The following FRY variants were observed in gnomAD, a reference collection of about 807,000 sequenced individuals.
FRY encodes the protein protein furry homolog.
Under a neutral mutation model 348.4 loss-of-function variants are expected in FRY, and 128 were observed. The ratio of observed to expected loss-of-function variants is 0.37; its 90% confidence interval spans 0.32 to 0.43. FRY has a LOEUF of 0.43. Ranked by LOEUF, FRY falls within the 20% of genes least tolerant of loss-of-function variation. FRY has a pLI of 1.00. For missense variants in FRY, 2,736 were observed against 3,695.2 expected (o/e 0.74, Z 6.73); for synonymous variants, 1,370 against 1,374.7 (o/e 1.00, Z 0.08).
chr13:32,208,779 G>A, intron 31 of FRY, 74 bp from the exon 32 acceptor site: 2 of 1,554,276 alleles, frequency 1.3e-6, no homozygotes, highest in South Asian at 2.2e-5. Context: ...CAGTCTGCAA[G>A]TTGGCATTTG....
chr13:32,155,959 G>A (rs758498664), intron 15 of FRY, among the ~76,000 whole-genome samples: 5 of 152,098 alleles, frequency 3.3e-5, no homozygotes, highest in Admixed American at 6.5e-5. Context: ...ACATCTGTGT[G>A]CTTTGCTAAA....
At chr13:32,146,375 C>T (rs1024348452) in intron 11 of FRY, among the ~76,000 whole-genome samples, 3 of 152,100 alleles carry the variant, frequency 2.0e-5, no homozygotes, top group Non-Finnish European at 4.4e-5. Context: ...CTCGCTCTGT[C>T]GCCCAGGCTG....
intron 47 of FRY, among the ~76,000 whole-genome samples, chr13:32,244,516 G>T (rs1886677230): frequency 6.6e-6 from 1 of 152,222 alleles, no homozygotes; most frequent in African/African-American, 2.4e-5. Context: ...AAGGAGAGGG[G>T]ACAAGGAACT....
At chr13:32,202,640 T>C in intron 31 of FRY, 113 bp downstream of exon 31, 1 of 990,492 alleles carries the variant, frequency 1.0e-6, no homozygotes, top group East Asian at 2.5e-5. Flanking sequence ...TTTTTCTTTT[T>C]AAATTCTAGT....
In FRY at chr13:32,275,068, C is replaced by A. The variant is rs76310894; in HGVS notation, c.8286+77C>A. ...GCAGAACTTCAGGGTAGCATGTTTG[C>A]GCTGTGGTTTGTTTTAAAGATACCT... is the stretch of plus-strand genomic sequence containing the variant. On this transcript the variant is annotated intron_variant, in intron 56 of 60. Transcript: ENST00000542859. 4.5e-6 allele frequency: 6 copies of A among 1,336,340 alleles called. No individual in the cohort carries two copies. In the South Asian group the frequency reaches 5.9e-5, roughly 13 times the overall value. 82.8% of individuals were successfully genotyped at this position (1,336,340 alleles called of 1,614,324 possible).
intron 55 of FRY, among the ~76,000 whole-genome samples, chr13:32,274,505 C>T (rs569445944): frequency 9.8e-4 from 149 of 151,554 alleles, no homozygotes; most frequent in African/African-American, 2.8e-3. Flanking sequence ...CAGATCGAGA[C>T]CATCCTGGCT....
rs763437379 is a variant in FRY at position 32,184,675 on chromosome 13, G to T, written c.3130G>T (p.Gly1044Cys). 1 of 1,600,018 alleles carries T rather than the reference G, an allele frequency of 6.2e-7. No homozygotes were observed. The highest frequency in any genetic ancestry group is 1.1e-5 in the South Asian group (1 of 90,766). ...AATTTTTGAACTTTTGGCTGATGCT[G>T]GTGTAATAAGTGACAGGTAGGATCA... is the stretch of plus-strand genomic sequence containing the variant. ...LRIFELLADA[G>C]VISDSTNGAL... The change falls in exon 25 of 61, where the codon GGT (glycine) becomes TGT (cysteine). Residue 1044 changes from glycine (G) to cysteine (C), a missense_variant. Gly to Cys is a radical substitution (Grantham distance 159). Transcript: ENST00000542859.
At chr13:32,145,399 C>T (rs1880339809) in intron 11 of FRY, among the ~76,000 whole-genome samples, 1 of 151,854 alleles carries the variant, frequency 6.6e-6, no homozygotes. Context: ...ATGTCAAATT[C>T]AAGAGAAATT....
intron 53 of FRY, among the ~76,000 whole-genome samples, chr13:32,264,942 G>C (rs9526028): frequency 0.29 from 44,483 of 152,114 alleles, 7,260 homozygotes; most frequent in Middle Eastern, 0.44. Flanking sequence ...CATTCCCTTG[G>C]TAAAGGGGTT....
intron 11 of FRY, among the ~76,000 whole-genome samples, chr13:32,144,716 G>A (rs2138815768): frequency 6.6e-6 from 1 of 152,310 alleles, no homozygotes; most frequent in South Asian, 2.1e-4. Context: ...TTAAGACACT[G>A]AAAGACTGGT....
At chr13:32,183,512 G>T (rs190668034) in intron 24 of FRY, among the ~76,000 whole-genome samples, 299 of 152,290 alleles carry the variant, frequency 2.0e-3, no homozygotes, top group African/African-American at 6.7e-3. Context: ...GCGCGATGGC[G>T]CACGCCTGTA....
At chr13:32,148,003 C>T (rs1880561081) in intron 13 of FRY, 56 bp downstream of exon 13, 1 of 977,370 alleles carries the variant, frequency 1.0e-6, no homozygotes, top group Non-Finnish European at 1.7e-6. Context: ...AGCAGCCAGC[C>T]TCCTTCTTAT....
At chr13:32,054,285 A>G (rs1478239351) in intron 1 of FRY, among the ~76,000 whole-genome samples, 1 of 152,068 alleles carries the variant, frequency 6.6e-6, no homozygotes, top group Non-Finnish European at 1.5e-5. Flanking sequence ...AGGTATACTA[A>G]CTAAATGGCA....
chr13:32,243,932 A>C, intron 46 of FRY, 110 bp from the exon 47 acceptor site: 4 of 1,264,754 alleles, frequency 3.2e-6, no homozygotes, highest in Non-Finnish European at 4.5e-6. Context: ...TCTCCTAAAA[A>C]AATAAAAAAT....
chr13:32,281,772 A>G (rs1566193156), intron 58 of FRY, among the ~76,000 whole-genome samples: 2 of 152,192 alleles, frequency 1.3e-5, no homozygotes, highest in African/African-American at 2.4e-5. Flanking sequence ...TAACAAAAGA[A>G]GTTGGCAATC....
At chr13:32,214,546 G>T (rs1264356060) in intron 35 of FRY, among the ~76,000 whole-genome samples, 1 of 152,154 alleles carries the variant, frequency 6.6e-6, no homozygotes, top group South Asian at 2.1e-4. Flanking sequence ...GGACACCCGC[G>T]TCTTACACAT....
chr13:32,098,807 C>A (rs1042214827), intron 2 of FRY, among the ~76,000 whole-genome samples: 6 of 151,978 alleles, frequency 3.9e-5, no homozygotes, highest in Non-Finnish European at 8.8e-5. Flanking sequence ...CATATAGTAT[C>A]TATTCATTAT....
Position 32,297,742 on chromosome 13 carries a change from T to C in FRY, c.*2282T>C, listed in dbSNP as rs1192087101. ...TAACTTTAGATCTACCAGTCAAATC[T>C]TGTCGGCTATTGCTCTGTGCCTCTG... is the stretch of plus-strand genomic sequence containing the variant. On this transcript the variant is annotated 3_prime_UTR_variant, in exon 61 of 61. Coordinates refer to ENST00000542859, the MANE Select transcript of FRY (RefSeq NM_023037.3). The C allele has an allele frequency of 1.3e-5, 2 of 152,204 alleles. No homozygotes were observed. The highest frequency in any genetic ancestry group is 1.5e-5 in the Non-Finnish European group (1 of 68,030). 9.4% of individuals were successfully genotyped at this position (152,204 alleles called of 1,614,324 possible).
chr13:32,149,754 T>G lies in FRY; in HGVS notation c.1399T>G (p.Leu467Val). The G allele has an allele frequency of 6.3e-7, 1 of 1,592,028 alleles. No individual in the cohort carries two copies. Among genetic ancestry groups the G allele is most frequent in the Non-Finnish European group, 8.6e-7 (1 of 1,160,052 alleles). Residue 467 changes from leucine to valine, a missense_variant, in exon 14 of 61, where the codon TTA becomes GTA. This residue lies in a region of FRY where 191 missense variants were observed against 370.2 expected (regional missense o/e 0.52). Coordinates refer to ENST00000542859, the MANE Select transcript of FRY (RefSeq NM_023037.3). ...GTTCTTGTTTTTACTACAGGAACGTTTAGATTTTGCAATGAAAGAAATCAT... is the reference window on the plus strand; with the variant it reads ...GTTCTTGTTTTTACTACAGGAACGTGTAGATTTTGCAATGAAAGAAATCAT... ...KIIQFIAQERLDFAMKEIIFD... is the reference protein window; with the variant it reads ...KIIQFIAQERVDFAMKEIIFD...
Sources: allele counts gnomAD v4.1 joint callset (sites outside exome capture counted in the v4.1 genomes callset), GRCh38; gene constraint gnomAD v4.1.1; regional missense constraint gnomAD v4.1.1; transcripts MANE v1.5; gene names NCBI Gene and HGNC (gene_info 2026-07-23, HGNC 2026-07-21).